Variants in ADGRG4 observed in about 807,000 individuals in gnomAD.
ADGRG4 encodes G protein-coupled receptor 112.
Under a neutral mutation model 126.2 loss-of-function variants are expected in ADGRG4, and 122 were observed. That is an observed-to-expected ratio of 0.97 (90% confidence interval 0.83 to 1.12). The LOEUF is 1.12. ADGRG4 is among the 50% of genes most tolerant of loss of function. The pLI is 0.00. For missense variants in ADGRG4, 2,481 were observed against 2,251.8 expected, an observed-to-expected ratio of 1.10 and a Z score of -2.06; for synonymous variants, 943 against 838.7, an observed-to-expected ratio of 1.12 and a Z score of -2.15.
intron 21 of ADGRG4, among the ~76,000 whole-genome samples, chrX:136,401,942 C>A (rs965579058): frequency 1.8e-5 from 2 of 111,923 alleles, no homozygotes; most frequent in East Asian, 5.6e-4. Flanking sequence ...CTCCCACCTT[C>A]TCAAATTTGT....
chrX:136,364,851 G>A (rs369691964), intron 13 of ADGRG4, among the ~76,000 whole-genome samples: 15 of 111,556 alleles, frequency 1.3e-4, no homozygotes, highest in Admixed American at 2.9e-4. Flanking sequence ...CCACTGCTTC[G>A]ATGAATATTA....
intron 23 of ADGRG4, among the ~76,000 whole-genome samples, chrX:136,409,707 G>A (rs2075436069): frequency 8.9e-6 from 1 of 112,065 alleles, no homozygotes; most frequent in African/African-American, 3.2e-5. Context: ...CCTGGAATCC[G>A]AGTCTCAGGG....
chrX:136,307,103 C>T (rs1309189259), intron 3 of ADGRG4, among the ~76,000 whole-genome samples: 1 of 111,864 alleles, frequency 8.9e-6, no homozygotes, highest in Non-Finnish European at 1.9e-5. Flanking sequence ...TGAAACATAC[C>T]TTGAAGTTGT....
intron 25 of ADGRG4, 110 bp from the exon 26 acceptor site, chrX:136,416,344 C>T (rs1486009794): frequency 5.3e-6 from 3 of 567,227 alleles, no homozygotes; most frequent in East Asian, 6.8e-5. Context: ...CTTCCCTTCT[C>T]TTCTAATTGC....
intron 15 of ADGRG4, among the ~76,000 whole-genome samples, chrX:136,383,845 T>TC (rs1471152293): frequency 2.0e-5 from 2 of 99,583 alleles, no homozygotes; most frequent in Non-Finnish European, 4.1e-5. Flanking sequence ...TTTCTTTCTT[T>TC]CTTTCTTTCT....
rs1352874939 is a variant in ADGRG4, at chrX:136,405,869, C to T, written c.8832C>T (p.Ser2944=). ...MILHDLKGTM[S]LTFLLGLTWG... ...TGCATGACCTCAAAGGCACAATGAG[C>T]CTGACATTCTTACTTGGCCTCACCT... is the stretch of plus-strand genomic sequence containing the variant. The change falls in exon 23 of 26, where the codon AGC becomes AGT. Residue 2944 remains serine, a synonymous_variant. Transcript: ENST00000394143. 2.5e-6 allele frequency: 3 copies of T among 1,204,002 alleles called. No individual in the cohort carries two copies. The highest frequency in any genetic ancestry group is 3.5e-5 in the African/African-American group (2 of 57,581).
At chrX:136,313,269 C>A (rs2074784699) in intron 4 of ADGRG4, among the ~76,000 whole-genome samples, 1 of 112,179 alleles carries the variant, frequency 8.9e-6, no homozygotes, top group African/African-American at 3.2e-5. Context: ...TACATCCCCA[C>A]TAGCAGTGTA....
At chrX:136,331,252 G>A (rs1030428474) in intron 5 of ADGRG4, among the ~76,000 whole-genome samples, 2 of 112,161 alleles carry the variant, frequency 1.8e-5, no homozygotes, top group African/African-American at 6.5e-5. Context: ...TCTGTTGATG[G>A]ACACTTAGGT....
chrX:136,308,708 G>A (rs1322309952), intron 3 of ADGRG4, 61 bp from the exon 4 acceptor site: 22 of 655,136 alleles, frequency 3.4e-5, no homozygotes, highest in Admixed American at 3.1e-4. Context: ...GGTCACATAC[G>A]CTTAGAAATT....
chrX:136,395,393 G>A lies in ADGRG4; in HGVS notation c.8084G>A (p.Gly2695Glu). ...AATTTCCTTCTGTCTCCTACAGATG[G>A]GCTGGGTGGATGGAATTCGTCAGGC... ...CAFWDFENNN[G>E]LGGWNSSGCK... Residue 2695 changes from glycine (G) to glutamate (E), a missense_variant, in exon 19 of 26, where the codon GGG (glycine) becomes GAG (glutamate). By Grantham distance (98) the Gly-to-Glu change is moderately conservative (BLOSUM62 -2). Transcript: ENST00000394143. 1 of 1,183,111 alleles carries A rather than the reference G, an allele frequency of 8.5e-7. No individual in the cohort carries two copies. The highest frequency in any genetic ancestry group is 1.8e-5 in the South Asian group (1 of 55,259).
At chrX:136,374,612 T>C (rs780547030) in intron 15 of ADGRG4, among the ~76,000 whole-genome samples, 1 of 110,621 alleles carries the variant, frequency 9.0e-6, no homozygotes, top group Non-Finnish European at 1.9e-5. Flanking sequence ...GTATTTTTAG[T>C]AGAGACGGGG....
Position 136,322,994 on chromosome X carries a change from A to C in ADGRG4, c.287A>C (p.His96Pro), listed in dbSNP as rs758323226. The change falls in exon 5 of 26, where the codon CAT becomes CCT. Residue 96 changes from histidine to proline, a missense_variant. By Grantham distance (77) the His-to-Pro change is moderately conservative. Coordinates refer to ENST00000394143, the MANE Select transcript of ADGRG4 (RefSeq NM_153834.4). The stretch of plus-strand genomic sequence containing the variant: ...ATAGACCTTGGACTTGCAGGAGACC[A>C]TCAGCAGCTAATACTATACAGATTG... ...EDIDLGLAGD[H>P]QQLILYRLGK... The C allele has an allele frequency of 1.5e-4, 177 of 1,210,363 alleles. No homozygotes were observed. Among genetic ancestry groups the C allele is most frequent in the Middle Eastern group, 6.9e-4 (3 of 4,374 alleles).
Position 136,344,869 on chromosome X carries a change from C to T in ADGRG4, c.1163C>T (p.Thr388Ile). The change falls in exon 6 of 26, where the codon ACT becomes ATT. Residue 388 changes from threonine (T) to isoleucine (I), a missense_variant. Physicochemically the swap from Thr to Ile is moderately conservative, Grantham distance 89. Transcript: ENST00000394143. ...RFTKNSVVST[T>I]SAIKSQSAVT... is the part of the protein sequence containing the mutation. The stretch of plus-strand genomic sequence containing the variant: ...ACCAAGAATTCAGTTGTATCTACAA[C>T]TTCAGCAATTAAATCTCAGTCGGCT... The T allele has an allele frequency of 8.3e-7, 1 of 1,210,386 alleles. No homozygotes were observed. The highest frequency in any genetic ancestry group is 1.1e-6 in the Non-Finnish European group (1 of 894,084).
At chrX:136,399,804 A>G (rs1215297350) in intron 20 of ADGRG4, 44 bp from the exon 21 acceptor site, 3 of 1,123,904 alleles carry the variant, frequency 2.7e-6, no homozygotes, top group Admixed American at 2.8e-5. Context: ...AATTAAAAAA[A>G]AAAAAACAGA....
chrX:136,348,418 C>A lies in ADGRG4; in HGVS notation c.4712C>A (p.Ala1571Asp). ...TCCTCAATACCAGTTAATAACTCTG[C>A]TTTCACACCTGCAACAGTCTCTTCT... is the stretch of plus-strand genomic sequence containing the variant. ...EMSSIPVNNS[A>D]FTPATVSSDT... Residue 1571 changes from alanine (A) to aspartate (D), a missense_variant, in exon 6 of 26, where the codon GCT becomes GAT. Coordinates refer to ENST00000394143, the MANE Select transcript of ADGRG4 (RefSeq NM_153834.4). The A allele has an allele frequency of 8.3e-7, 1 of 1,207,985 alleles. No homozygotes were observed. Among genetic ancestry groups the A allele is most frequent in the East Asian group, 3.0e-5 (1 of 33,805 alleles).
intron 13 of ADGRG4, among the ~76,000 whole-genome samples, chrX:136,364,553 G>A (rs911944827): frequency 2.1e-4 from 23 of 111,199 alleles, no homozygotes; most frequent in African/African-American, 7.2e-4. Flanking sequence ...TGAGTATTTA[G>A]GTTGTCAGTA....
chrX:136,342,442 A>G, intron 5 of ADGRG4, among the ~76,000 whole-genome samples: 1 of 112,178 alleles, frequency 8.9e-6, no homozygotes, highest in East Asian at 2.8e-4. Flanking sequence ...CGAGGAAGAC[A>G]GACATTAAAA....
At chrX:136,403,400 A>G in intron 22 of ADGRG4, 78 bp downstream of exon 22, 1 of 812,874 alleles carries the variant, frequency 1.2e-6, no homozygotes, top group Non-Finnish European at 1.8e-6. Context: ...TTGGCCTGGG[A>G]TTGGTCTTGA....
intron 5 of ADGRG4, among the ~76,000 whole-genome samples, chrX:136,330,147 T>A (rs2074899590): frequency 9.0e-6 from 1 of 111,117 alleles, no homozygotes; most frequent in Non-Finnish European, 1.9e-5. Context: ...TCTATACAAT[T>A]TTATCACCTG....
Sources: allele counts gnomAD v4.1 joint callset (sites outside exome capture counted in the v4.1 genomes callset), GRCh38; gene constraint gnomAD v4.1.1; transcripts MANE v1.5; gene names NCBI Gene and HGNC (gene_info 2026-07-23, HGNC 2026-07-21).